The following PLCG2 variants were observed in gnomAD, a reference collection of about 807,000 sequenced individuals.
The protein encoded by PLCG2 is 1-phosphatidylinositol 4,5-bisphosphate phosphodiesterase gamma-2.
Under a neutral mutation model 175.6 loss-of-function variants are expected in PLCG2, and 69 were observed. That is an observed-to-expected ratio of 0.39 (90% CI 0.32 to 0.48). PLCG2 has a LOEUF of 0.48. Among genes scored for constraint, PLCG2 ranks in the 20% least tolerant of loss-of-function variants. The pLI, the probability that PLCG2 is intolerant of heterozygous loss-of-function variation, is 0.91. For missense variants in PLCG2, 1,798 were observed against 1,650.9 expected (o/e 1.09, Z -1.54); for synonymous variants, 827 against 624.0 (o/e 1.33, Z -4.85).
chr16:81,789,682 C>T (rs1387180094), intron 2 of PLCG2, among the ~76,000 whole-genome samples: 9 of 152,168 alleles, frequency 5.9e-5, no homozygotes, highest in Non-Finnish European at 1.3e-4. Flanking sequence ...ACCACTTTGG[C>T]TGGGGCGTAT....
At chr16:81,915,867 C>G (rs1909818576) in intron 19 of PLCG2, among the ~76,000 whole-genome samples, 2 of 152,170 alleles carry the variant, frequency 1.3e-5, no homozygotes, top group Admixed American at 1.3e-4. Flanking sequence ...GGAGGATATT[C>G]TCTCTATAAA....
chr16:81,764,209 C>T (rs1910097308), intron 2 of PLCG2, among the ~76,000 whole-genome samples: 1 of 152,006 alleles, frequency 6.6e-6, no homozygotes, highest in Non-Finnish European at 1.5e-5. Flanking sequence ...GGGAGGATTG[C>T]TGGAGCCCAG....
Position 81,923,508 on chromosome 16 carries a change from G to T in PLCG2, c.2331G>T (p.Leu777=). The T allele has an allele frequency of 1.2e-6, 2 of 1,613,158 alleles. No individual in the cohort carries two copies. Among genetic ancestry groups the T allele is most frequent in the Non-Finnish European group, 1.7e-6 (2 of 1,179,306 alleles). The change falls in exon 22 of 33, where the codon CTG becomes CTT. Residue 777 remains leucine (L), a synonymous_variant. Transcript: ENST00000564138. The part of the protein sequence containing the change: ...PSMPQRTVKA[L]YDYKAKRSDE... The stretch of plus-strand genomic sequence containing the variant: ...AGCCTCAGAGAACCGTGAAAGCTCT[G>T]TATGACTACAAAGCCAAGCGAAGCG...
chr16:81,852,814 A>C (rs1365499417), intron 2 of PLCG2, among the ~76,000 whole-genome samples: 1 of 152,152 alleles, frequency 6.6e-6, no homozygotes, highest in Admixed American at 6.5e-5. Context: ...GGGGCAGCTC[A>C]CTGGGGCCAG....
At chr16:81,824,246 C>T (rs898538997) in intron 2 of PLCG2, among the ~76,000 whole-genome samples, 4 of 147,880 alleles carry the variant, frequency 2.7e-5, no homozygotes, top group African/African-American at 8.0e-5. Flanking sequence ...CAATTCTCCT[C>T]CCTCAGCCTC....
chr16:81,773,943 G>A (rs1597309824), intron 2 of PLCG2, among the ~76,000 whole-genome samples: 1 of 152,044 alleles, frequency 6.6e-6, no homozygotes, highest in East Asian at 1.9e-4. Context: ...TATATCCCTG[G>A]AGCCTGGGAG....
intron 13 of PLCG2, among the ~76,000 whole-genome samples, chr16:81,898,974 C>T (rs1050844628): frequency 1.3e-5 from 2 of 152,138 alleles, no homozygotes; most frequent in African/African-American, 4.8e-5. Context: ...CAACTGAATT[C>T]AGGAGTTTGA....
At chr16:81,916,592 TG>T (rs57205838) in intron 19 of PLCG2, among the ~76,000 whole-genome samples, 57,321 of 149,722 alleles carry the variant, frequency 0.38, 11,783 homozygotes, top group East Asian at 0.77. Context: ...TTTTTTTTTG[TG>T]TGTGGTGAGA....
At chr16:81,831,426 C>T (rs1370174610) in intron 2 of PLCG2, among the ~76,000 whole-genome samples, 1 of 152,200 alleles carries the variant, frequency 6.6e-6, no homozygotes, top group African/African-American at 2.4e-5. Flanking sequence ...CCAGGCACTG[C>T]ACTAAGCACT....
chr16:81,936,690 C>A (rs1178314838), intron 27 of PLCG2, among the ~76,000 whole-genome samples: 2 of 152,212 alleles, frequency 1.3e-5, no homozygotes, highest in African/African-American at 4.8e-5. Context: ...TTCTCTTCTC[C>A]AGGCCTGTTG....
chr16:81,944,785 A>AT (rs1239956816), intron 30 of PLCG2, among the ~76,000 whole-genome samples: 2 of 152,082 alleles, frequency 1.3e-5, no homozygotes, highest in Non-Finnish European at 2.9e-5. Context: ...CAACTATGTC[A>AT]TTTTATATCA....
chr16:81,750,374 C>A (rs1909783631), intron 1 of PLCG2, among the ~76,000 whole-genome samples: 1 of 146,264 alleles, frequency 6.8e-6, no homozygotes, highest in South Asian at 2.1e-4. Context: ...GAGCTGAGAT[C>A]TCACCACTGC....
rs141369813 is a variant in PLCG2 at position 81,955,002 on chromosome 16, T to C, written c.3571-1693T>C. Among the ~76,000 whole-genome samples, 811 of 152,288 alleles carry C rather than the reference T, an allele frequency of 5.3e-3. 9 individuals carry two copies. The highest frequency in any genetic ancestry group is 0.018 in the African/African-American group (762 of 41,552). ...TTCTCCACAGCCTCGCCAGCATCTA[T>C]TGTTTCCTGACTTTTTAATATGCTT... On this transcript the variant is annotated intron_variant, in intron 31 of 32. Coordinates refer to ENST00000564138, the MANE Select transcript of PLCG2 (RefSeq NM_002661.5).
At position 81,934,415 on chromosome 16, in the gene PLCG2, T is replaced by C. The variant is rs2143721360; in HGVS notation, c.2740-14T>C. On this transcript the variant is annotated splice_polypyrimidine_tract_variant and intron_variant, in intron 25 of 32. Coordinates refer to ENST00000564138, the MANE Select transcript of PLCG2 (RefSeq NM_002661.5). Reference sequence around the variant, plus strand: ...TCTCGGGGGCGGGCACTAAAGACAGTGAACTCCAAACAGGAGAACAACATG... The same window carrying C: ...TCTCGGGGGCGGGCACTAAAGACAGCGAACTCCAAACAGGAGAACAACATG... The C allele has an allele frequency of 6.4e-7, 1 of 1,563,704 alleles. No homozygotes were observed. The highest frequency in any genetic ancestry group is 8.8e-7 in the Non-Finnish European group (1 of 1,135,590).
chr16:81,912,696 C>T lies in PLCG2; in HGVS notation c.2034C>T (p.Asp678=), dbSNP rs1909680869. 1 of 1,609,664 alleles carries T rather than the reference C, an allele frequency of 6.2e-7. No homozygotes were observed. Among genetic ancestry groups the T allele is most frequent in the African/African-American group, 1.3e-5 (1 of 74,896 alleles). The change falls in exon 19 of 33, where the codon GAC becomes GAT. Residue 678 remains aspartate (D), a synonymous_variant. Transcript: ENST00000564138. Reference sequence around the variant, plus strand: ...TGATCCGGAAGCGAGAGGGGAGCGACTCCTATGCCATCACCTTCAGGTGGG... The same window carrying T: ...TGATCCGGAAGCGAGAGGGGAGCGATTCCTATGCCATCACCTTCAGGTGGG... The part of the protein sequence containing the change: ...AFLIRKREGS[D]SYAITFRARG...
chr16:81,924,918 C>T lies in PLCG2; in HGVS notation c.2417+1324C>T, dbSNP rs372974769. ...TCGGCTTTGCCGAAGTCCCTCCACT[C>T]GAAGTGGCACAGAGTTGAGGTCTCT... On this transcript the variant is annotated intron_variant, in intron 22 of 32. Coordinates refer to ENST00000564138, the MANE Select transcript of PLCG2 (RefSeq NM_002661.5). Among the ~76,000 whole-genome samples the T allele has an allele frequency of 2.2e-4, 33 of 152,364 alleles. 1 individual carries two copies. The South Asian group carries it at 2.3e-3, about 11-fold the overall frequency.
intron 1 of PLCG2, among the ~76,000 whole-genome samples, chr16:81,744,824 C>T (rs1909672213): frequency 1.3e-5 from 2 of 152,110 alleles, no homozygotes; most frequent in Admixed American, 6.5e-5. Context: ...CCTCAGCCTC[C>T]CAAAGTGCTG....
intron 3 of PLCG2, among the ~76,000 whole-genome samples, 156 bp downstream of exon 3, chr16:81,854,743 C>T (rs574949483): frequency 2.6e-5 from 4 of 152,262 alleles, no homozygotes; most frequent in African/African-American, 7.2e-5. Context: ...AGCTGTGTGT[C>T]TTTAGGTGAG....
In PLCG2 at chr16:81,961,491, A is replaced by C. The variant is rs919267323; in HGVS notation, c.*3493A>C. 3 of 223,374 alleles carry C rather than the reference A, an allele frequency of 1.3e-5. No homozygotes were observed. The South Asian group carries it at 5.5e-4, about 41-fold the overall frequency. The allele number at this position is 223,374 out of a possible 1,614,324, so 13.8% of individuals were successfully genotyped here. A position where few individuals can be genotyped will look rare whatever the true frequency, so the allele number is the denominator to read the frequency against. The stretch of plus-strand genomic sequence containing the variant: ...TAAAGGCTTACAGCCTTAGGATTAT[A>C]GGATACTATATAATACTTTTGGTAC... On this transcript the variant is annotated 3_prime_UTR_variant, in exon 33 of 33. Coordinates refer to ENST00000564138, the MANE Select transcript of PLCG2 (RefSeq NM_002661.5).
Sources: allele counts gnomAD v4.1 joint callset (sites outside exome capture counted in the v4.1 genomes callset), GRCh38; gene constraint gnomAD v4.1.1; transcripts MANE v1.5; gene names NCBI Gene and HGNC (gene_info 2026-07-23, HGNC 2026-07-21).